IGF1R: variants seen among roughly 807,000 people sequenced by gnomAD.
The protein encoded by IGF1R is insulin-like growth factor 1 receptor.
IGF1R carries 44 observed loss-of-function variants against 144.6 expected under a neutral mutation model. That is an observed-to-expected ratio of 0.30 (90% confidence interval 0.24 to 0.39). The LOEUF (loss-of-function observed/expected upper bound fraction) is 0.39, where lower values mean the gene tolerates loss of function less well. IGF1R is among the 10% of genes least tolerant of loss of function. The probability of loss-of-function intolerance (pLI) is 1.00; values close to 1 mark genes in which losing one functional copy is unlikely to be tolerated. For synonymous variants in IGF1R, 795 were observed against 722.8 expected (o/e 1.10, Z -1.60); for missense variants, 1,355 against 1,833.7 (o/e 0.74, Z 4.77).
intron 2 of IGF1R, among the ~76,000 whole-genome samples, chr15:98,747,742 G>A (rs1039722803): frequency 6.6e-6 from 1 of 152,148 alleles, no homozygotes; most frequent in African/African-American, 2.4e-5. Context: ...TTTTTGGAGA[G>A]TCTATAAAGT....
chr15:98,913,309 C>T, intron 8 of IGF1R, 27 bp downstream of exon 8: 3 of 1,565,256 alleles, frequency 1.9e-6, no homozygotes, highest in Non-Finnish European at 1.8e-6. Flanking sequence ...AAGCCCCCAG[C>T]ATCCACACTT....
Position 98,804,904 on chromosome 15 carries a change from C to T in IGF1R, c.641-86421C>T, listed in dbSNP as rs373261623. 4.3e-4 allele frequency among the ~76,000 whole-genome samples: 66 copies of T among 152,268 alleles called. No homozygotes were observed. The South Asian group carries it at 0.013, about 31-fold the overall frequency. ...AGAGACAGGGTTTCACCATGTTGGC[C>T]AGGCTGGTCTTGAACTCCTGACCTC... On this transcript the variant is annotated intron_variant, in intron 2 of 20. Transcript: ENST00000650285.
At chr15:98,697,252 G>A (rs11630479) in intron 1 of IGF1R, among the ~76,000 whole-genome samples, 59,134 of 152,008 alleles carry the variant, frequency 0.39, 13,096 homozygotes, top group African/African-American at 0.61. Context: ...AGTCGGTTGT[G>A]GCTTCTGCCC....
intron 1 of IGF1R, among the ~76,000 whole-genome samples, chr15:98,678,364 A>C (rs2053100230): frequency 6.6e-6 from 1 of 152,128 alleles, no homozygotes; most frequent in Admixed American, 6.5e-5. Context: ...TGTCAGGCCT[A>C]GACTAGTTTT....
intron 2 of IGF1R, among the ~76,000 whole-genome samples, chr15:98,746,495 A>G (rs760985895): frequency 1.3e-5 from 2 of 152,114 alleles, no homozygotes; most frequent in African/African-American, 2.4e-5. Flanking sequence ...CACCTTGTAC[A>G]CTGTCAGGGC....
chr15:98,928,042 C>T (rs1298952180), intron 13 of IGF1R, among the ~76,000 whole-genome samples: 1 of 152,208 alleles, frequency 6.6e-6, no homozygotes, highest in Non-Finnish European at 1.5e-5. Context: ...AGGAACCTCA[C>T]AGCATCCTTC....
In IGF1R at chr15:98,704,054, T is replaced by C. The variant is rs1482253304; in HGVS notation, c.95-3508T>C. Among the ~76,000 whole-genome samples the C allele has an allele frequency of 6.9e-5, 2 of 28,934 alleles. No homozygotes were observed. The highest frequency in any genetic ancestry group is 2.1e-4 in the African/African-American group (2 of 9,678). The allele number at this position is 28,934 out of a possible 152,430, so 19.0% of individuals were successfully genotyped here. On this transcript the variant is annotated intron_variant, in intron 1 of 20. Transcript: ENST00000650285. The surrounding 1 kb of genome is among the most constrained non-coding windows in gnomAD (Gnocchi z 4.9). ...GGCACACGACACACAGTTAATTTAGTGTCCCCAGGGGAAAAAAGACCCTCC... is the reference window on the plus strand; with the variant it reads ...GGCACACGACACACAGTTAATTTAGCGTCCCCAGGGGAAAAAAGACCCTCC...
intron 2 of IGF1R, among the ~76,000 whole-genome samples, chr15:98,727,559 GGGTGTCT>G (rs2054390663): frequency 1.1e-5 from 1 of 92,834 alleles, no homozygotes; most frequent in African/African-American, 2.7e-5. Context: ...TATGGGGCTT[GGGTGTCT>G]CTGCAAGGCC....
chr15:98,959,647 A>AT lies in IGF1R; in HGVS notation c.*2210dup. On this transcript the variant is annotated 3_prime_UTR_variant, in exon 21 of 21. Coordinates refer to ENST00000650285, the MANE Select transcript of IGF1R (RefSeq NM_000875.5). ...GGGCCCAGGGGTCTTGTCTTGTTTC[A>AT]TTTTTAGCACTTCTCACCAGAGAGA... The AT allele has an allele frequency of 4.3e-6, 1 of 233,640 alleles. No homozygotes were observed. The highest frequency in any genetic ancestry group is 8.5e-6 in the Non-Finnish European group (1 of 117,998). 14.5% of individuals were successfully genotyped at this position (233,640 alleles called of 1,614,324 possible).
chr15:98,918,900 C>T (rs1379062658), intron 10 of IGF1R, among the ~76,000 whole-genome samples: 1 of 152,084 alleles, frequency 6.6e-6, no homozygotes, highest in African/African-American at 2.4e-5. Flanking sequence ...AACACCAGAG[C>T]TGTGAGAAGG....
At chr15:98,937,977 A>G (rs2016220032) in intron 17 of IGF1R, among the ~76,000 whole-genome samples, 1 of 152,256 alleles carries the variant, frequency 6.6e-6, no homozygotes, top group Non-Finnish European at 1.5e-5. Context: ...TTAAGTCACC[A>G]AGAGACAGCT....
chr15:98,744,762 GTT>G (rs202049996), intron 2 of IGF1R, among the ~76,000 whole-genome samples: 1 of 146,032 alleles, frequency 6.8e-6, no homozygotes, highest in South Asian at 2.2e-4. Flanking sequence ...AAACTGCTCT[GTT>G]TTTTTTTTTT....
chr15:98,912,943 CT>C, intron 7 of IGF1R, 100 bp from the exon 8 acceptor site: 5 of 769,026 alleles, frequency 6.5e-6, no homozygotes, highest in Non-Finnish European at 9.4e-6. Context: ...TTATTTAGAC[CT>C]CCCATTATAG....
At chr15:98,659,857 T>C (rs1037521730) in intron 1 of IGF1R, among the ~76,000 whole-genome samples, 1 of 152,194 alleles carries the variant, frequency 6.6e-6, no homozygotes, top group African/African-American at 2.4e-5. Context: ...CATTCTCTTC[T>C]CTCTCCCCTT....
At chr15:98,852,002 C>T (rs536770151) in intron 2 of IGF1R, among the ~76,000 whole-genome samples, 1 of 152,304 alleles carries the variant, frequency 6.6e-6, no homozygotes, top group South Asian at 2.1e-4. Context: ...TTTAAAACAA[C>T]TTCTGCAAAG....
intron 13 of IGF1R, among the ~76,000 whole-genome samples, chr15:98,926,813 C>G (rs2015739174): frequency 6.6e-6 from 1 of 152,150 alleles, no homozygotes; most frequent in Non-Finnish European, 1.5e-5. Context: ...TTAAAATAGT[C>G]TGAATTGTTC....
intron 1 of IGF1R, among the ~76,000 whole-genome samples, chr15:98,650,327 C>G (rs542150776): frequency 1.3e-5 from 2 of 152,204 alleles, no homozygotes; most frequent in Non-Finnish European, 2.9e-5. Context: ...GTCACTTTGG[C>G]CCGCTCCTCG....
chr15:98,927,841 G>A (rs1032444307), intron 13 of IGF1R, among the ~76,000 whole-genome samples: 14 of 152,168 alleles, frequency 9.2e-5, no homozygotes, highest in East Asian at 1.9e-4. Context: ...GGGGACTTAC[G>A]ATTAATGTTT....
At chr15:98,661,523 C>A (rs930879785) in intron 1 of IGF1R, among the ~76,000 whole-genome samples, 10 of 152,212 alleles carry the variant, frequency 6.6e-5, no homozygotes, top group African/African-American at 2.2e-4. Context: ...AAAAAAGCAT[C>A]TTGTGAAATT....
Sources: allele counts gnomAD v4.1 joint callset (sites outside exome capture counted in the v4.1 genomes callset), GRCh38; gene constraint gnomAD v4.1.1; non-coding constraint Gnocchi (gnomAD v3.1); transcripts MANE v1.5; gene names NCBI Gene and HGNC (gene_info 2026-07-23, HGNC 2026-07-21).